DLG2: variants seen among roughly 807,000 people sequenced by gnomAD.
DLG2 encodes discs large MAGUK scaffold protein 2.
A neutral mutation model predicts 132.5 loss-of-function variants in DLG2; 45 were observed. The observed-to-expected ratio is 0.34, with a 90% CI of 0.27 to 0.44. DLG2 has a LOEUF of 0.44. Ranked by LOEUF, DLG2 falls within the 20% of genes least tolerant of loss-of-function variation. The probability of loss-of-function intolerance (pLI) is 1.00; values close to 1 mark genes in which losing one functional copy is unlikely to be tolerated. For synonymous variants in DLG2, 424 were observed against 419.6 expected, an observed-to-expected ratio of 1.01 and a Z score of -0.13; for missense variants, 1,045 against 1,196.9, an observed-to-expected ratio of 0.87 and a Z score of 1.87.
intron 6 of DLG2, among the ~76,000 whole-genome samples, chr11:84,662,403 G>A (rs759654161): frequency 8.6e-5 from 13 of 150,554 alleles, no homozygotes; most frequent in Non-Finnish European, 1.6e-4. Flanking sequence ...TCGAACTCCC[G>A]ACCTCAGGTG....
chr11:85,039,559 T>C (rs1358505370), intron 6 of DLG2, among the ~76,000 whole-genome samples: 4 of 151,980 alleles, frequency 2.6e-5, no homozygotes, highest in Non-Finnish European at 4.4e-5. Flanking sequence ...CTCATAGTTA[T>C]ATATGTTAAA....
At chr11:85,185,698 T>C (rs1371802884) in intron 4 of DLG2, among the ~76,000 whole-genome samples, 5 of 151,858 alleles carry the variant, frequency 3.3e-5, no homozygotes, top group Non-Finnish European at 7.4e-5. Flanking sequence ...ACCTTTGTCC[T>C]CATAACACCC....
At chr11:85,611,352 C>A (rs2080987302) in intron 2 of DLG2, among the ~76,000 whole-genome samples, 1 of 152,230 alleles carries the variant, frequency 6.6e-6, no homozygotes, top group South Asian at 2.1e-4. Flanking sequence ...AGATACCAGG[C>A]ACTACTCCTT....
intron 10 of DLG2, among the ~76,000 whole-genome samples, chr11:84,095,434 C>T (rs888202648): frequency 6.6e-6 from 1 of 152,156 alleles, no homozygotes; most frequent in African/African-American, 2.4e-5. Context: ...TTAGAACCCA[C>T]ATCTTTCCAG....
chr11:83,804,129 A>C (rs1272108638), intron 17 of DLG2, among the ~76,000 whole-genome samples: 2 of 152,110 alleles, frequency 1.3e-5, no homozygotes, highest in South Asian at 2.1e-4. Flanking sequence ...AAACTGTGTC[A>C]AGAACTCTTA....
At chr11:84,955,924 T>C (rs931611933) in intron 6 of DLG2, among the ~76,000 whole-genome samples, 9 of 152,196 alleles carry the variant, frequency 5.9e-5, no homozygotes, top group Admixed American at 4.6e-4. Context: ...GAAGTACACA[T>C]TGGAACAACA....
At position 84,383,380 on chromosome 11, in the gene DLG2, T is replaced by C. The variant is rs189214368; in HGVS notation, c.520-132089A>G. Among the ~76,000 whole-genome samples the C allele has an allele frequency of 2.3e-3, 352 of 152,130 alleles. 2 individuals are homozygous for C. Among genetic ancestry groups the C allele is most frequent in the Non-Finnish European group, 4.0e-3 (275 of 67,974 alleles). On this transcript the variant is annotated intron_variant, in intron 7 of 27. Transcript: ENST00000376104. Reference sequence around the variant, plus strand: ...GTCCATGCATTTACCTAGTACCTTCTCCTTGAGTTGAAGTGGTGATTGGCA... The same window carrying C: ...GTCCATGCATTTACCTAGTACCTTCCCCTTGAGTTGAAGTGGTGATTGGCA...
intron 3 of DLG2, among the ~76,000 whole-genome samples, chr11:85,525,966 T>C (rs970517254): frequency 6.6e-6 from 1 of 152,250 alleles, no homozygotes; most frequent in East Asian, 1.9e-4. Context: ...TCTGAAGCTG[T>C]GAAAAGAACC....
At chr11:84,243,355 A>C (rs2097260642) in intron 8 of DLG2, among the ~76,000 whole-genome samples, 1 of 152,006 alleles carries the variant, frequency 6.6e-6, no homozygotes, top group East Asian at 1.9e-4. Flanking sequence ...TCTAGAAAGT[A>C]GGACAACATA....
In DLG2 at chr11:85,444,320, C is replaced by G. The variant is rs565466111; in HGVS notation, c.40+154337G>C. On this transcript the variant is annotated intron_variant, in intron 3 of 27. Coordinates refer to ENST00000376104, the MANE Select transcript of DLG2 (RefSeq NM_001142699.3). ...AGCACTGGTAGGAGTTATCCTTGAC[C>G]ACGACATTTGCAGCTATAGCTGAGT... Among the ~76,000 whole-genome samples, 33 of 152,168 alleles carry G rather than the reference C, an allele frequency of 2.2e-4. No homozygotes were observed. In the East Asian group the frequency reaches 6.0e-3, roughly 28 times the overall value.
At chr11:83,671,820 C>T (rs1410279526) in intron 18 of DLG2, among the ~76,000 whole-genome samples, 1 of 152,054 alleles carries the variant, frequency 6.6e-6, no homozygotes, top group Non-Finnish European at 1.5e-5. Flanking sequence ...CAAATATTAC[C>T]AATAACTTTT....
At chr11:84,477,991 T>C (rs2099126382) in intron 7 of DLG2, among the ~76,000 whole-genome samples, 2 of 152,162 alleles carry the variant, frequency 1.3e-5, no homozygotes, top group African/African-American at 4.8e-5. Context: ...AGCCCTATAT[T>C]ATAAATGAGG....
At chr11:85,423,845 T>A (rs148430510) in intron 3 of DLG2, among the ~76,000 whole-genome samples, 1 of 152,152 alleles carries the variant, frequency 6.6e-6, no homozygotes, top group Non-Finnish European at 1.5e-5. Context: ...CTTGCCCCAC[T>A]ACCTGCATCC....
At chr11:85,243,113 C>A (rs2075970280) in intron 4 of DLG2, among the ~76,000 whole-genome samples, 1 of 151,976 alleles carries the variant, frequency 6.6e-6, no homozygotes, top group African/African-American at 2.4e-5. Context: ...CTGACCTAGG[C>A]TGCAGCCATC....
chr11:85,564,192 C>T (rs1383430383), intron 3 of DLG2, among the ~76,000 whole-genome samples: 1 of 151,954 alleles, frequency 6.6e-6, no homozygotes. Context: ...ACAAATATTT[C>T]CTCTCATTCT....
At chr11:84,469,154 T>A (rs1405852995) in intron 7 of DLG2, among the ~76,000 whole-genome samples, 1 of 151,638 alleles carries the variant, frequency 6.6e-6, no homozygotes, top group Non-Finnish European at 1.5e-5. Context: ...GGACCTAAAA[T>A]TGGAAGGTTT....
At chr11:83,540,034 C>T (rs2096015629) in intron 20 of DLG2, among the ~76,000 whole-genome samples, 2 of 152,134 alleles carry the variant, frequency 1.3e-5, no homozygotes, top group African/African-American at 2.4e-5. Context: ...TAGTCCATGC[C>T]ATCTTTAGGC....
At chr11:83,609,782 C>A (rs567588837) in intron 19 of DLG2, among the ~76,000 whole-genome samples, 2 of 152,264 alleles carry the variant, frequency 1.3e-5, no homozygotes, top group South Asian at 4.2e-4. Flanking sequence ...CCTAAACTAG[C>A]CATGTTGGAG....
intron 3 of DLG2, among the ~76,000 whole-genome samples, chr11:85,502,111 C>A (rs575405926): frequency 6.6e-6 from 1 of 151,934 alleles, no homozygotes; most frequent in Non-Finnish European, 1.5e-5. Flanking sequence ...AGTTAATGTC[C>A]TTTGCAGGGA....
Sources: allele counts gnomAD v4.1 joint callset (sites outside exome capture counted in the v4.1 genomes callset), GRCh38; gene constraint gnomAD v4.1.1; transcripts MANE v1.5; gene names NCBI Gene and HGNC (gene_info 2026-07-23, HGNC 2026-07-21).